KIF1A: variants seen among roughly 807,000 people sequenced by gnomAD.
The protein encoded by KIF1A is kinesin-like protein KIF1A.
KIF1A carries 46 observed loss-of-function variants against 227.3 expected under a neutral mutation model. That is an observed-to-expected ratio of 0.20 (90% CI 0.16 to 0.26). The LOEUF is 0.26. KIF1A is among the 10% of genes least tolerant of loss of function. The pLI is 1.00. For missense variants in KIF1A, 1,683 were observed against 2,485.9 expected (o/e 0.68, Z 6.87); for synonymous variants, 1,022 against 1,012.8 (o/e 1.01, Z -0.17).
chr2:240,809,416 C>T (rs897483974), intron 1 of KIF1A, among the ~76,000 whole-genome samples: 2 of 152,126 alleles, frequency 1.3e-5, no homozygotes, highest in Non-Finnish European at 1.5e-5. Flanking sequence ...ACAGAAGGGA[C>T]CCCAGGAACA....
At chr2:240,777,666 T>G (rs1168159095) in intron 10 of KIF1A, among the ~76,000 whole-genome samples, 1 of 152,156 alleles carries the variant, frequency 6.6e-6, no homozygotes, top group East Asian at 1.9e-4. Flanking sequence ...GACGCACCCT[T>G]GGCTAAAGCA....
chr2:240,754,567 G>A (rs1219737529), intron 27 of KIF1A, among the ~76,000 whole-genome samples: 1 of 152,248 alleles, frequency 6.6e-6, no homozygotes, highest in African/African-American at 2.4e-5. Context: ...CAGAGCACTG[G>A]TGCCTGGCAT....
At chr2:240,729,384 C>T (rs1332972912) in intron 38 of KIF1A, among the ~76,000 whole-genome samples, 1 of 152,174 alleles carries the variant, frequency 6.6e-6, no homozygotes, top group African/African-American at 2.4e-5. Context: ...CAGGTCTTTC[C>T]CAGCATCAGC....
intron 38 of KIF1A, among the ~76,000 whole-genome samples, chr2:240,731,367 C>T (rs1249594440): frequency 7.2e-5 from 11 of 152,216 alleles, no homozygotes; most frequent in South Asian, 2.1e-4. Flanking sequence ...GAGGAATGCA[C>T]GGACTTTGAG....
chr2:240,734,669 A>C (rs1165120623), intron 38 of KIF1A: 3 of 1,291,092 alleles, frequency 2.3e-6, no homozygotes, highest in Non-Finnish European at 3.1e-6. Context: ...CAGGGAGGAA[A>C]GAAGAGGCTG....
intron 34 of KIF1A, among the ~76,000 whole-genome samples, chr2:240,741,678 AC>A (rs1456130314): frequency 2.0e-5 from 3 of 152,168 alleles, no homozygotes; most frequent in African/African-American, 7.2e-5. Flanking sequence ...GACCCCAAGA[AC>A]CAACAGGGCA....
chr2:240,809,823 A>G lies in KIF1A; in HGVS notation c.-61+10299T>C, dbSNP rs2057719205. On this transcript the variant is annotated intron_variant, in intron 1 of 48. Coordinates refer to ENST00000498729, the MANE Select transcript of KIF1A (RefSeq NM_001244008.2). ...GATGGGTGCAGCAAATCAACATGGTACATGTATACCTTTGTAACAAACCTG... is the reference window on the plus strand; with the variant it reads ...GATGGGTGCAGCAAATCAACATGGTGCATGTATACCTTTGTAACAAACCTG... Among the ~76,000 whole-genome samples, 2 of 152,090 alleles carry G rather than the reference A, an allele frequency of 1.3e-5. 1 individual carries two copies. The highest frequency in any genetic ancestry group is 6.8e-3 in the Middle Eastern group (2 of 294).
intron 1 of KIF1A, among the ~76,000 whole-genome samples, chr2:240,805,818 A>G (rs1355508331): frequency 1.3e-5 from 2 of 152,230 alleles, no homozygotes; most frequent in Non-Finnish European, 2.9e-5. Flanking sequence ...TAATTTAAAA[A>G]TAATTAAAAA....
In KIF1A at chr2:240,720,695, G is replaced by C. The variant is rs79059320; in HGVS notation, c.4868+219C>G. ...CCCATTTCTGGTCTTCTTCAGGGAA[G>C]AGAACACACACACACTAGGATGGAG... is the stretch of plus-strand genomic sequence containing the variant. On this transcript the variant is annotated intron_variant, in intron 45 of 48. Transcript: ENST00000498729. 0.014 allele frequency: 5,807 copies of C among 417,734 alleles called. 166 individuals carry two copies. Among genetic ancestry groups the C allele is most frequent in the African/African-American group, 0.076 (3,742 of 49,090 alleles). 25.9% of individuals were successfully genotyped at this position (417,734 alleles called of 1,614,324 possible).
chr2:240,789,202 C>T lies in KIF1A; in HGVS notation c.183+34G>A. The T allele has an allele frequency of 1.9e-6, 3 of 1,563,840 alleles. No individual in the cohort carries two copies. Among genetic ancestry groups the T allele is most frequent in the Non-Finnish European group, 2.6e-6 (3 of 1,134,614 alleles). On this transcript the variant is annotated intron_variant, in intron 3 of 48. Coordinates refer to ENST00000498729, the MANE Select transcript of KIF1A (RefSeq NM_001244008.2). The surrounding 1 kb of genome is among the most constrained non-coding windows in gnomAD (Gnocchi z 4.8). ...GGGCCACATGGCCTATGCACTGCTG[C>T]CCCCGCCTCCCCCGACCCGGGGTCC...
At position 240,817,269 on chromosome 2, in the gene KIF1A, C is replaced by G. The variant is rs1423046176; in HGVS notation, c.-61+2853G>C. Among the ~76,000 whole-genome samples the G allele has an allele frequency of 3.9e-5, 6 of 152,268 alleles. No individual in the cohort carries two copies. The East Asian group carries it at 1.2e-3, about 29-fold the overall frequency. On this transcript the variant is annotated intron_variant, in intron 1 of 48. Coordinates refer to ENST00000498729, the MANE Select transcript of KIF1A (RefSeq NM_001244008.2). ...TTCGGGGCAGGGTGTGGCCCAGCCC[C>G]CCATGGTTCTCAGAGACGCTCCTGG...
chr2:240,805,083 GA>G (rs2057290556), intron 1 of KIF1A, among the ~76,000 whole-genome samples: 2 of 67,776 alleles, frequency 3.0e-5, no homozygotes, highest in African/African-American at 7.6e-5. Flanking sequence ...AGGGAGAGGG[GA>G]GGGAGAGGGG....
Position 240,789,162 on chromosome 2 carries a change from G to A in KIF1A, c.183+74C>T. On this transcript the variant is annotated intron_variant, in intron 3 of 48. Transcript: ENST00000498729. The surrounding 1 kb of genome is among the most constrained non-coding windows in gnomAD (Gnocchi z 4.8). ...AGAGAGGAATGAGCGGCTCAGAGAA[G>A]TTGAGGGACCCCGAGGGCCACATGG... The A allele has an allele frequency of 8.1e-7, 1 of 1,236,718 alleles. No individual in the cohort carries two copies. 76.6% of individuals were successfully genotyped at this position (1,236,718 alleles called of 1,614,324 possible).
intron 38 of KIF1A, chr2:240,734,825 G>C: frequency 9.2e-7 from 1 of 1,085,906 alleles, no homozygotes; most frequent in Non-Finnish European, 1.3e-6. Flanking sequence ...GCAGAGGGAA[G>C]CGGCCTGTGG....
In KIF1A at chr2:240,745,851, G is replaced by T; in HGVS notation, c.3261C>A (p.Pro1087=). 1 of 1,612,534 alleles carries T rather than the reference G, an allele frequency of 6.2e-7. No individual in the cohort carries two copies. Residue 1087 remains proline, a synonymous_variant, in exon 31 of 49, where the codon CCC becomes CCA. Transcript: ENST00000498729. ...GGAGGTGGTCCAGGGCAGCATCCAGGGGCCCATCCAGGGCGGCTTTCTCAG... is the reference window on the plus strand; with the variant it reads ...GGAGGTGGTCCAGGGCAGCATCCAGTGGCCCATCCAGGGCGGCTTTCTCAG... ...DSSEKAALDG[P]LDAALDHLRL...
intron 33 of KIF1A, 89 bp downstream of exon 33, chr2:240,743,853 G>T: frequency 1.1e-6 from 1 of 897,766 alleles, no homozygotes. Context: ...GGGTGCATAG[G>T]CTCTGCAGCC....
At chr2:240,745,990 C>G (rs750178685) in intron 30 of KIF1A, 49 bp downstream of exon 30, 6 of 1,599,420 alleles carry the variant, frequency 3.8e-6, no homozygotes, top group Admixed American at 3.4e-5. Context: ...GCTCAGGAAC[C>G]AGGTCTCAGC....
chr2:240,760,059 C>T (rs139559767), intron 25 of KIF1A, among the ~76,000 whole-genome samples: 40 of 152,200 alleles, frequency 2.6e-4, no homozygotes, highest in Middle Eastern at 3.4e-3. Context: ...GACAAATCAG[C>T]GTGAGCATGT....
Position 240,736,737 on chromosome 2 carries a change from A to G in KIF1A, c.4007+326T>C, listed in dbSNP as rs2047364239. Reference sequence around the variant, plus strand: ...ACAGCAGCATGGTCCTTGGACATACAGCCACTTGTCCCCACACCACGCAAC... The same window carrying G: ...ACAGCAGCATGGTCCTTGGACATACGGCCACTTGTCCCCACACCACGCAAC... On this transcript the variant is annotated intron_variant, in intron 38 of 48. Coordinates refer to ENST00000498729, the MANE Select transcript of KIF1A (RefSeq NM_001244008.2). The surrounding 1 kb of genome is among the most constrained non-coding windows in gnomAD (Gnocchi z 4.7). Among the ~76,000 whole-genome samples the G allele has an allele frequency of 6.6e-6, 1 of 152,216 alleles. No homozygotes were observed. The highest frequency in any genetic ancestry group is 6.5e-5 in the Admixed American group (1 of 15,288).
Sources: allele counts gnomAD v4.1 joint callset (sites outside exome capture counted in the v4.1 genomes callset), GRCh38; gene constraint gnomAD v4.1.1; non-coding constraint Gnocchi (gnomAD v3.1); transcripts MANE v1.5; gene names NCBI Gene and HGNC (gene_info 2026-07-23, HGNC 2026-07-21).